Variants in MOB3B observed in about 807,000 individuals in gnomAD.
MOB3B encodes the protein MOB kinase activator 3B.
Under a neutral mutation model 18.7 loss-of-function variants are expected in MOB3B, and 7 were observed. The ratio of observed to expected loss-of-function variants is 0.37; its 90% CI spans 0.21 to 0.70. MOB3B has a LOEUF of 0.70. Among genes scored for constraint, MOB3B ranks in the 30% least tolerant of loss-of-function variants. The probability of loss-of-function intolerance (pLI) is 0.52; values close to 1 mark genes in which losing one functional copy is unlikely to be tolerated. For missense variants in MOB3B, 253 were observed against 281.3 expected (o/e 0.90, Z 0.72); for synonymous variants, 111 against 99.9 (o/e 1.11, Z -0.66).
chr9:27,368,881 A>G (rs968527827), intron 2 of MOB3B, among the ~76,000 whole-genome samples: 1 of 152,066 alleles, frequency 6.6e-6, no homozygotes, highest in East Asian at 1.9e-4. Context: ...CCTGAGCGCC[A>G]CTTCTGAGTT....
chr9:27,529,403 C>T (rs1406812593), intron 1 of MOB3B, among the ~76,000 whole-genome samples, 152 bp downstream of exon 1: 1 of 152,296 alleles, frequency 6.6e-6, no homozygotes, highest in Non-Finnish European at 1.5e-5. Context: ...AGCCCGTGGC[C>T]GGCGGGCAGA....
intron 3 of MOB3B, among the ~76,000 whole-genome samples, chr9:27,348,648 A>T (rs1821064166): frequency 6.6e-6 from 1 of 151,806 alleles, no homozygotes; most frequent in South Asian, 2.1e-4. Flanking sequence ...GCAAGACTCC[A>T]TCTCAAAATA....
At chr9:27,435,497 A>G (rs1409075186) in intron 2 of MOB3B, among the ~76,000 whole-genome samples, 2 of 152,186 alleles carry the variant, frequency 1.3e-5, no homozygotes, top group Admixed American at 6.5e-5. Flanking sequence ...CTGTGGCCAG[A>G]GCAATTCTTT....
At chr9:27,443,573 C>T (rs2764330) in intron 2 of MOB3B, among the ~76,000 whole-genome samples, 2 of 151,948 alleles carry the variant, frequency 1.3e-5, no homozygotes, top group East Asian at 1.9e-4. Context: ...GATTTTACAG[C>T]TTTTCACTTT....
At chr9:27,359,908 C>T (rs1349148433) in intron 2 of MOB3B, among the ~76,000 whole-genome samples, 1 of 152,232 alleles carries the variant, frequency 6.6e-6, no homozygotes, top group Non-Finnish European at 1.5e-5. Flanking sequence ...ATCTCAAACA[C>T]TGCTTAAGCT....
intron 1 of MOB3B, among the ~76,000 whole-genome samples, chr9:27,481,873 A>G (rs775065989): frequency 2.7e-4 from 41 of 152,160 alleles, no homozygotes; most frequent in Non-Finnish European, 5.1e-4. Context: ...ATACAGTCCA[A>G]TGTCACATAT....
chr9:27,405,181 C>T, intron 2 of MOB3B, among the ~76,000 whole-genome samples: 1 of 135,262 alleles, frequency 7.4e-6, no homozygotes, highest in Non-Finnish European at 1.5e-5. Context: ...GATCTCGGCT[C>T]ACTGCAACCT....
At position 27,508,417 on chromosome 9, in the gene MOB3B, C is replaced by T. The variant is rs1044661494; in HGVS notation, c.-199+21138G>A. ...AGCTGAGGAATCCACGTGTAGGGAC[C>T]ATTCAAGAAGTCCTGGCAGGATTTG... On this transcript the variant is annotated intron_variant, in intron 1 of 3. Coordinates refer to ENST00000262244, the MANE Select transcript of MOB3B (RefSeq NM_024761.5). 2.6e-5 allele frequency among the ~76,000 whole-genome samples: 4 copies of T among 151,546 alleles called. 1 individual carries two copies. The highest frequency in any genetic ancestry group is 1.3e-4 in the Admixed American group (2 of 15,228).
chr9:27,378,868 T>C (rs1821531496), intron 2 of MOB3B: 1 of 376,168 alleles, frequency 2.7e-6, no homozygotes, highest in Non-Finnish European at 5.4e-6. Flanking sequence ...GCAAACCACT[T>C]ATCCAGGGCC....
At chr9:27,341,535 G>A (rs1365118603) in intron 3 of MOB3B, among the ~76,000 whole-genome samples, 1 of 152,204 alleles carries the variant, frequency 6.6e-6, no homozygotes, top group Admixed American at 6.5e-5. Flanking sequence ...TATTTTGATG[G>A]AGTAAATAGA....
chr9:27,374,865 A>G (rs1821469928), intron 2 of MOB3B, among the ~76,000 whole-genome samples: 1 of 152,208 alleles, frequency 6.6e-6, no homozygotes, highest in Non-Finnish European at 1.5e-5. Context: ...GAGGAGCCCC[A>G]TTCATTCCAT....
At chr9:27,524,631 A>G in intron 1 of MOB3B, 1 of 1,614,152 alleles carries the variant, frequency 6.2e-7, no homozygotes, top group Non-Finnish European at 8.5e-7. Context: ...CAACATCTTC[A>G]GCCAACACAC....
chr9:27,352,016 A>T (rs1821111940), intron 3 of MOB3B, among the ~76,000 whole-genome samples: 1 of 152,180 alleles, frequency 6.6e-6, no homozygotes, highest in South Asian at 2.1e-4. Flanking sequence ...CTTTGGTGTG[A>T]CAAAATGGCA....
At chr9:27,466,832 A>G (rs1819391784) in intron 1 of MOB3B, among the ~76,000 whole-genome samples, 1 of 152,102 alleles carries the variant, frequency 6.6e-6, no homozygotes, top group Non-Finnish European at 1.5e-5. Flanking sequence ...CCGTCCTACA[A>G]TATGTGGGAA....
intron 3 of MOB3B, 196 bp downstream of exon 3, chr9:27,358,838 C>G (rs778479372): frequency 1.3e-6 from 1 of 757,054 alleles, no homozygotes; most frequent in South Asian, 1.4e-5. Flanking sequence ...AGGGTAATCT[C>G]GGACACTTAT....
intron 2 of MOB3B, among the ~76,000 whole-genome samples, chr9:27,447,522 A>G (rs1359960833): frequency 6.6e-6 from 1 of 152,170 alleles, no homozygotes; most frequent in Non-Finnish European, 1.5e-5. Context: ...CCTGAGATAC[A>G]GCCCATTAAA....
intron 2 of MOB3B, among the ~76,000 whole-genome samples, chr9:27,408,017 C>A (rs905384679): frequency 1.7e-4 from 26 of 152,178 alleles, no homozygotes; most frequent in African/African-American, 5.1e-4. Context: ...TCTCCAGAGA[C>A]TGTTTCTGGC....
At position 27,455,464 on chromosome 9, in the gene MOB3B, C is replaced by A. The variant is rs778281749; in HGVS notation, c.87G>T (p.Glu29Asp). The A allele has an allele frequency of 1.2e-6, 2 of 1,614,254 alleles. No individual in the cohort carries two copies. Among genetic ancestry groups the A allele is most frequent in the Non-Finnish European group, 1.7e-6 (2 of 1,180,040 alleles). The change falls in exon 2 of 4, where the codon GAG (glutamate) becomes GAT (aspartate). Residue 29 changes from glutamate to aspartate, a missense_variant. Physicochemically the swap from Glu to Asp is conservative, Grantham distance 45 (BLOSUM62 2). Coordinates refer to ENST00000262244, the MANE Select transcript of MOB3B (RefSeq NM_024761.5). Reference protein sequence around the residue: ...RKFEPGTQRFELHKRAQASLN... With the variant: ...RKFEPGTQRFDLHKRAQASLN... ...GGGATGCCTGAGCCCGTTTGTGCAG[C>A]TCAAACCTCTGTGTGCCAGGTTCAA...
At chr9:27,478,448 C>T (rs76663059) in intron 1 of MOB3B, among the ~76,000 whole-genome samples, 3,511 of 151,718 alleles carry the variant, frequency 0.023, 136 homozygotes, top group African/African-American at 0.075. Context: ...AAGAACCATC[C>T]TTTATGAACA....
Sources: gnomAD v4.1 joint callset for allele counts (sites outside exome capture counted in the v4.1 genomes callset) on GRCh38, gnomAD v4.1.1 for gene constraint, MANE v1.5 for transcripts, NCBI Gene and HGNC (gene_info 2026-07-23, HGNC 2026-07-21) for gene names.